The following XPO6 variants were observed in gnomAD, a reference collection of about 807,000 sequenced individuals.
The protein encoded by XPO6 is exportin 6.
Under a neutral mutation model 130.0 loss-of-function variants are expected in XPO6, and 3 were observed. The observed-to-expected ratio is 0.02, with a 90% CI of 0.01 to 0.06. XPO6 has a LOEUF of 0.06. Among genes scored for constraint, XPO6 ranks in the 10% least tolerant of loss-of-function variants. The probability of loss-of-function intolerance (pLI) is 1.00; values close to 1 mark genes in which losing one functional copy is unlikely to be tolerated. For missense variants in XPO6, 970 were observed against 1,393.0 expected, an observed-to-expected ratio of 0.70 and a Z score of 4.83; for synonymous variants, 524 against 548.9, an observed-to-expected ratio of 0.95 and a Z score of 0.63.
intron 9 of XPO6, among the ~76,000 whole-genome samples, chr16:28,143,681 G>T (rs561902447): frequency 6.6e-6 from 1 of 152,170 alleles, no homozygotes; most frequent in South Asian, 2.1e-4. Flanking sequence ...CTGTCGCCTA[G>T]GCTGGAGTCC....
rs2086932598 is a variant in XPO6 at position 28,111,918 on chromosome 16, C to T, written c.2240G>A (p.Arg747His). Residue 747 changes from arginine (R) to histidine (H), a missense_variant, in exon 17 of 24, where the codon CGC becomes CAC. Arg to His is a conservative substitution (Grantham distance 29, BLOSUM62 0). This residue lies in a region of XPO6 where 936 missense variants were observed against 1,306.8 expected (regional missense o/e 0.72). Transcript: ENST00000304658. ...LPENEQQWPV[R>H]SINHASLISA... ...GATGAGGCTGGCGTGGTTGATGGAG[C>T]GCACGGGCCACTGCTGCTCATTCTC... The T allele has an allele frequency of 6.2e-7, 1 of 1,614,000 alleles. No individual in the cohort carries two copies. The highest frequency in any genetic ancestry group is 8.5e-7 in the Non-Finnish European group (1 of 1,180,034).
chr16:28,167,699 C>T (rs1243195177), intron 5 of XPO6, among the ~76,000 whole-genome samples: 2 of 152,304 alleles, frequency 1.3e-5, no homozygotes, highest in East Asian at 3.9e-4. Context: ...CCTCTTTGTA[C>T]CCGTACAGAA....
chr16:28,173,650 C>T (rs1282991800), intron 4 of XPO6, among the ~76,000 whole-genome samples: 1 of 152,166 alleles, frequency 6.6e-6, no homozygotes, highest in East Asian at 1.9e-4. Flanking sequence ...CCTGCTGCCT[C>T]ACAGTCTGGC....
intron 1 of XPO6, among the ~76,000 whole-genome samples, chr16:28,197,989 A>AAC (rs778368089): frequency 0.41 from 38,218 of 92,880 alleles, 12,375 homozygotes; most frequent in South Asian, 0.6. Flanking sequence ...AAAAAAAAAA[A>AAC]CCCTCATACC....
chr16:28,156,022 ACAGT>A lies in XPO6; in HGVS notation c.1097+48_1097+51del, dbSNP rs2043178575. On this transcript the variant is annotated intron_variant, in intron 7 of 23. Transcript: ENST00000304658. The stretch of plus-strand genomic sequence containing the variant: ...GATGCCATGCAGCACAGCATGGTAA[ACAGT>A]CAGGGCCCTTTCTTGGGGCACACCA... The A allele has an allele frequency of 9.1e-6, 14 of 1,543,484 alleles. 1 individual carries two copies. The South Asian group carries it at 1.4e-4, about 15-fold the overall frequency.
At chr16:28,181,515 G>A (rs1299442422) in intron 1 of XPO6, among the ~76,000 whole-genome samples, 1 of 104,608 alleles carries the variant, frequency 9.6e-6, no homozygotes, top group Non-Finnish European at 2.3e-5. Flanking sequence ...ACCAGGGAGA[G>A]TGGTTTTTTT....
At chr16:28,147,331 G>A (rs1596876203) in intron 8 of XPO6, among the ~76,000 whole-genome samples, 3 of 152,084 alleles carry the variant, frequency 2.0e-5, no homozygotes, top group South Asian at 2.1e-4. Flanking sequence ...GAGAGGCCAC[G>A]GCAGGTGGAC....
chr16:28,190,783 T>C (rs1001292651), intron 1 of XPO6, among the ~76,000 whole-genome samples: 1 of 152,148 alleles, frequency 6.6e-6, no homozygotes, highest in Non-Finnish European at 1.5e-5. Flanking sequence ...TATAGGGCAA[T>C]GGACCATGAC....
chr16:28,134,687 A>T (rs538433107), intron 10 of XPO6, among the ~76,000 whole-genome samples: 34 of 151,544 alleles, frequency 2.2e-4, no homozygotes, highest in Admixed American at 7.9e-4. Flanking sequence ...CTAATGGTTT[A>T]AAAAAAAACA....
chr16:28,113,650 T>G (rs2086985534), intron 15 of XPO6, among the ~76,000 whole-genome samples: 1 of 152,214 alleles, frequency 6.6e-6, no homozygotes, highest in Non-Finnish European at 1.5e-5. Flanking sequence ...AAAATTACTA[T>G]GATTTCCCAA....
At chr16:28,125,630 A>G (rs1429163264) in intron 13 of XPO6, 59 bp downstream of exon 13, 8 of 1,567,482 alleles carry the variant, frequency 5.1e-6, no homozygotes, top group Non-Finnish European at 6.9e-6. Context: ...CCCCTCACAC[A>G]AGAAGGTAAA....
At position 28,181,518 on chromosome 16, in the gene XPO6, GT is replaced by G. The variant is rs35525888; in HGVS notation, c.4-488del. ...GTTTGGGGGGTAACCAGGGAGAGTG[GT>G]TTTTTTTTTTTTAAGAGACAGGGTC... On this transcript the variant is annotated intron_variant, in intron 1 of 23. Transcript: ENST00000304658. Among the ~76,000 whole-genome samples, 910 of 146,298 alleles carry G rather than the reference GT, an allele frequency of 6.2e-3. 11 individuals carry two copies. The highest frequency in any genetic ancestry group is 0.021 in the African/African-American group (825 of 39,814).
chr16:28,125,787 G>A lies in XPO6; in HGVS notation c.1668C>T (p.Asp556=). ...DCRRLHCSLR[D]LSSLLQAVGR... is the part of the protein sequence containing the mutation. ...CCACGGCCTGCAGCAGGGAGCTCAA[G>A]TCTCTCAGGGAGCAGTGCAGCCGCC... Residue 556 remains aspartate, a synonymous_variant, in exon 13 of 24, where the codon GAC becomes GAT. Coordinates refer to ENST00000304658, the MANE Select transcript of XPO6 (RefSeq NM_015171.4). 6.2e-7 allele frequency: 1 copy of A among 1,614,194 alleles called. No individual in the cohort carries two copies. The highest frequency in any genetic ancestry group is 8.5e-7 in the Non-Finnish European group (1 of 1,180,046).
chr16:28,211,729 C>T lies in XPO6; in HGVS notation c.-361G>A, dbSNP rs1417567861. On this transcript the variant is annotated 5_prime_UTR_variant, in exon 1 of 24. Transcript: ENST00000304658. ...GCAGGGGCTCCCCGGCCTCCGCGGG[C>T]AGAGGTGGCGGCGGCCCCGGCCCCG... 2 of 366,208 alleles carry T rather than the reference C, an allele frequency of 5.5e-6. No homozygotes were observed. Among genetic ancestry groups the T allele is most frequent in the South Asian group, 1.5e-4 (1 of 6,806 alleles). 22.7% of individuals were successfully genotyped at this position (366,208 alleles called of 1,614,324 possible).
chr16:28,209,230 G>A (rs561564570), intron 1 of XPO6: 5 of 152,252 alleles, frequency 3.3e-5, no homozygotes, highest in Admixed American at 6.5e-5. Context: ...GATATATGGT[G>A]GTGATCGTTG....
chr16:28,186,393 C>CTTTTTTTTTTTTTTTTTTTTTTTTT (rs1596952535), intron 1 of XPO6, among the ~76,000 whole-genome samples: 1 of 4,240 alleles, frequency 2.4e-4, no homozygotes. Context: ...TTTTTTTTTG[C>CTTTTTTTTTTTTTTTTTTTTTTTTT]TAAAGACATG....
chr16:28,187,979 T>A (rs1303021489), intron 1 of XPO6, among the ~76,000 whole-genome samples: 2 of 152,280 alleles, frequency 1.3e-5, no homozygotes, highest in Non-Finnish European at 2.9e-5. Flanking sequence ...CCCTAAGATG[T>A]AGCAGCTAGA....
chr16:28,112,824 A>C, intron 16 of XPO6, 80 bp downstream of exon 16: 1 of 1,521,420 alleles, frequency 6.6e-7, no homozygotes. Flanking sequence ...ACAAAATCAA[A>C]GGCCAGACTC....
At chr16:28,135,151 G>A in intron 10 of XPO6, 65 bp downstream of exon 10, 1 of 1,353,386 alleles carries the variant, frequency 7.4e-7, no homozygotes, top group Non-Finnish European at 1.0e-6. Context: ...TGGGTTCCAG[G>A]TCCCCATTCT....
Sources: gnomAD v4.1 joint callset for allele counts (sites outside exome capture counted in the v4.1 genomes callset) on GRCh38, gnomAD v4.1.1 for gene constraint, gnomAD v4.1.1 regional missense constraint, MANE v1.5 for transcripts, NCBI Gene and HGNC (gene_info 2026-07-23, HGNC 2026-07-21) for gene names.